The following ARSG variants were observed in gnomAD, a reference collection of about 807,000 sequenced individuals.
ARSG encodes the protein arylsulfatase G, also known as ASG.
In ARSG, 37 loss-of-function variants were observed where a neutral mutation model predicts 50.5. That is an observed-to-expected ratio of 0.73 (90% CI 0.56 to 0.96). The LOEUF is 0.96. ARSG is among the 50% of genes least tolerant of loss of function. ARSG has a pLI of 0.00. For missense variants in ARSG, 629 were observed against 675.3 expected, an observed-to-expected ratio of 0.93 and a Z score of 0.76; for synonymous variants, 225 against 254.6, an observed-to-expected ratio of 0.88 and a Z score of 1.11.
At chr17:68,430,129 A>G in the ARSG span, 1 of 1,614,050 alleles carries the variant, frequency 6.2e-7, no homozygotes, top group Non-Finnish European at 8.5e-7. Context: ...TTTCCCATGT[A>G]GCCACTCCAG....
intron 2 of ARSG, among the ~76,000 whole-genome samples, chr17:68,324,222 T>G (rs2077410872): frequency 6.6e-6 from 1 of 152,180 alleles, no homozygotes; most frequent in Non-Finnish European, 1.5e-5. Flanking sequence ...TGATTTCCTG[T>G]GTAGCTTGTG....
At chr17:68,362,825 C>T (rs2079360547) in intron 6 of ARSG, among the ~76,000 whole-genome samples, 2 of 152,052 alleles carry the variant, frequency 1.3e-5, no homozygotes, top group South Asian at 2.1e-4. Flanking sequence ...ATTTTAGTTG[C>T]CTTTTTCTCT....
At chr17:68,365,401 C>T (rs889534170) in intron 6 of ARSG, among the ~76,000 whole-genome samples, 1 of 152,152 alleles carries the variant, frequency 6.6e-6, no homozygotes, top group African/African-American at 2.4e-5. Flanking sequence ...GTCTGATTGT[C>T]CCCATTTTAT....
chr17:68,287,862 A>AG (rs140565826), upstream of ARSG, among the ~76,000 whole-genome samples: 532 of 152,238 alleles, frequency 3.5e-3, 4 homozygotes, highest in African/African-American at 0.012. Flanking sequence ...CCGAGTCATA[A>AG]GGGGAGAAAG....
intron 2 of ARSG, among the ~76,000 whole-genome samples, chr17:68,314,688 CAG>C (rs2077002952): frequency 6.6e-6 from 1 of 151,970 alleles, no homozygotes; most frequent in African/African-American, 2.4e-5. Context: ...GCCTGGACAA[CAG>C]AGTGTCTCAT....
chr17:68,425,389 T>C (rs1446714359), downstream of ARSG, among the ~76,000 whole-genome samples: 1 of 150,520 alleles, frequency 6.6e-6, no homozygotes, highest in African/African-American at 2.4e-5. Context: ...TTTCTTTTTT[T>C]TTTTTTTTTT....
intron 1 of ARSG, among the ~76,000 whole-genome samples, chr17:68,291,827 G>C (rs1465748531): frequency 6.6e-6 from 1 of 151,542 alleles, no homozygotes; most frequent in Non-Finnish European, 1.5e-5. Flanking sequence ...CGCGCCCACC[G>C]CCCAGTCCCG....
At chr17:68,303,481 C>T (rs1199854833) in intron 1 of ARSG, among the ~76,000 whole-genome samples, 3 of 152,022 alleles carry the variant, frequency 2.0e-5, no homozygotes, top group African/African-American at 4.8e-5. Context: ...TGGAGTCTCA[C>T]TCTGTCACCC....
At chr17:68,345,382 A>G (rs370202620) in intron 3 of ARSG, among the ~76,000 whole-genome samples, 1 of 152,228 alleles carries the variant, frequency 6.6e-6, no homozygotes, top group African/African-American at 2.4e-5. Context: ...CTCAGCCCCT[A>G]TGCTGCAGAA....
intron 8 of ARSG, among the ~76,000 whole-genome samples, chr17:68,384,052 C>T (rs774358692): frequency 6.6e-6 from 1 of 152,144 alleles, no homozygotes; most frequent in South Asian, 2.1e-4. Context: ...CGACAGAAGC[C>T]TTCATCTTCT....
In ARSG at chr17:68,343,631, C is replaced by CA; in HGVS notation, c.247dup (p.Thr83AsnfsTer72). 1 of 1,612,874 alleles carries CA rather than the reference C, an allele frequency of 6.2e-7. No individual in the cohort carries two copies. Among genetic ancestry groups the CA allele is most frequent in the Non-Finnish European group, 8.5e-7 (1 of 1,179,234 alleles). On this transcript the variant is annotated frameshift_variant, in exon 3 of 12. Transcript: ENST00000621439. LOFTEE classifies it high-confidence loss of function. ...TTGTGGATTTCCATGCAGCTGCCTC[C>CA]ACCTGCTCACCCTCCCGGGCTTCCT...
At chr17:68,446,189 T>TC in the ARSG span, among the ~76,000 whole-genome samples, 1 of 152,060 alleles carries the variant, frequency 6.6e-6, no homozygotes, top group Non-Finnish European at 1.5e-5. Context: ...TTTCTCAATT[T>TC]TTTTTTTTTC....
intron 7 of ARSG, 107 bp downstream of exon 7, chr17:68,368,851 A>C: frequency 7.8e-7 from 1 of 1,286,910 alleles, no homozygotes; most frequent in Non-Finnish European, 1.1e-6. Flanking sequence ...ATAGGTCAGG[A>C]GGCTTGCTTT....
At chr17:68,324,334 C>T (rs1434939268) in intron 2 of ARSG, among the ~76,000 whole-genome samples, 2 of 152,132 alleles carry the variant, frequency 1.3e-5, no homozygotes, top group African/African-American at 4.8e-5. Flanking sequence ...CTTGGGCTCA[C>T]ATGGTTTGTG....
chr17:68,431,814 G>A, the ARSG span, among the ~76,000 whole-genome samples: 2 of 11,676 alleles, frequency 1.7e-4, no homozygotes, highest in Non-Finnish European at 3.6e-4. Flanking sequence ...TCTGCTCCTG[G>A]TCACCTGTGC....
At chr17:68,369,358 G>A (rs892552247) in intron 7 of ARSG, among the ~76,000 whole-genome samples, 1 of 152,178 alleles carries the variant, frequency 6.6e-6, no homozygotes, top group Non-Finnish European at 1.5e-5. Flanking sequence ...TGGCCAACAT[G>A]GCAAAACCCT....
rs369041151 is a variant in ARSG at position 68,278,221 on chromosome 17, C to T, written c.-552+18795C>T. On this transcript the variant is annotated intron_variant, in intron 1 of 11. Coordinates refer to the ARSG transcript ENST00000448504. Reference sequence around the variant, plus strand: ...ATGATGCCGTAGGTGAAGACTTCAACGAAGAAAAATGAAACAGCTACCGCC... The same window carrying T: ...ATGATGCCGTAGGTGAAGACTTCAATGAAGAAAAATGAAACAGCTACCGCC... 77 of 1,613,966 alleles carry T rather than the reference C, an allele frequency of 4.8e-5. No homozygotes were observed. Among genetic ancestry groups the T allele is most frequent in the African/African-American group, 1.1e-4 (8 of 74,868 alleles).
At chr17:68,294,502 T>C (rs1156240510) in intron 1 of ARSG, among the ~76,000 whole-genome samples, 4 of 152,156 alleles carry the variant, frequency 2.6e-5, no homozygotes, top group Non-Finnish European at 4.4e-5. Context: ...TCTGGACCTC[T>C]GGGAAGAGGG....
chr17:68,305,359 C>T (rs2076568378), intron 1 of ARSG, among the ~76,000 whole-genome samples: 1 of 152,146 alleles, frequency 6.6e-6, no homozygotes, highest in Non-Finnish European at 1.5e-5. Context: ...TTGCACTAGC[C>T]TCATGATGTT....
Sources: allele counts gnomAD v4.1 joint callset (sites outside exome capture counted in the v4.1 genomes callset), GRCh38; gene constraint gnomAD v4.1.1; transcripts MANE v1.5; gene names NCBI Gene and HGNC (gene_info 2026-07-23, HGNC 2026-07-21).